GPHN: variants seen among roughly 807,000 people sequenced by gnomAD.
The protein encoded by GPHN is gephyrin.
In GPHN, 17 loss-of-function variants were observed where a neutral mutation model predicts 95.5. That is an observed-to-expected ratio of 0.18 (90% CI 0.12 to 0.27). The LOEUF (loss-of-function observed/expected upper bound fraction) is 0.27, where lower values mean the gene tolerates loss of function less well. Ranked by LOEUF, GPHN falls within the 10% of genes least tolerant of loss-of-function variation. The probability of loss-of-function intolerance (pLI) is 1.00; values close to 1 mark genes in which losing one functional copy is unlikely to be tolerated. For synonymous variants in GPHN, 320 were observed against 322.5 expected (o/e 0.99, Z 0.08); for missense variants, 660 against 978.1 (o/e 0.67, Z 4.34).
intron 18 of GPHN, among the ~76,000 whole-genome samples, chr14:67,150,986 G>A (rs901405221): frequency 6.6e-6 from 1 of 152,160 alleles, no homozygotes; most frequent in African/African-American, 2.4e-5. Context: ...TTAAAATATT[G>A]TAAGTTAAAA....
chr14:67,500,166 AAAAT>A, the GPHN span, among the ~76,000 whole-genome samples: 162 of 152,210 alleles, frequency 1.1e-3, no homozygotes, highest in African/African-American at 3.8e-3. Flanking sequence ...CCTGTCTCTT[AAAAT>A]AAATAAATAA....
chr14:67,356,434 CAA>C, the GPHN span, among the ~76,000 whole-genome samples: 216 of 129,762 alleles, frequency 1.7e-3, 1 homozygote, highest in African/African-American at 4.9e-3. Flanking sequence ...AAAACAAAAA[CAA>C]AAAAAAAAAA....
At chr14:67,286,768 G>A in the GPHN span, among the ~76,000 whole-genome samples, 5 of 147,982 alleles carry the variant, frequency 3.4e-5, no homozygotes, top group East Asian at 1.0e-3. Context: ...TAGGTGGGAG[G>A]ATCGCTGGAA....
At chr14:66,799,985 A>G (rs1296700066) in intron 3 of GPHN, among the ~76,000 whole-genome samples, 28 of 151,886 alleles carry the variant, frequency 1.8e-4, no homozygotes, top group Admixed American at 1.8e-3. Flanking sequence ...GTTTGATATT[A>G]CCATGAAGCT....
At chr14:66,579,022 A>G (rs1207196159) in intron 1 of GPHN, among the ~76,000 whole-genome samples, 2 of 152,016 alleles carry the variant, frequency 1.3e-5, no homozygotes, top group Admixed American at 6.5e-5. Flanking sequence ...ATTTACAATA[A>G]TTAAGTGATA....
At chr14:67,552,672 C>G in the GPHN span, among the ~76,000 whole-genome samples, 1 of 151,576 alleles carries the variant, frequency 6.6e-6, no homozygotes, top group Non-Finnish European at 1.5e-5. Flanking sequence ...GAGGCTAAGG[C>G]AGGAGAATGG....
the GPHN span, among the ~76,000 whole-genome samples, chr14:67,490,775 T>TA: frequency 6.6e-6 from 1 of 152,140 alleles, no homozygotes; most frequent in Non-Finnish European, 1.5e-5. Flanking sequence ...TCTGTTTTTT[T>TA]ACCCCCACTC....
the GPHN span, among the ~76,000 whole-genome samples, chr14:67,669,437 T>A: frequency 9.2e-6 from 1 of 108,560 alleles, no homozygotes; most frequent in South Asian, 2.7e-4. Flanking sequence ...ACTACTCAGC[T>A]TTTTTTTTTT....
chr14:67,681,909 G>A, the GPHN span, among the ~76,000 whole-genome samples: 46 of 152,256 alleles, frequency 3.0e-4, 1 homozygote, highest in African/African-American at 1.1e-3. Flanking sequence ...TGGAAACTTA[G>A]TCCCTCTGCC....
chr14:66,667,960 T>C (rs993582223), intron 1 of GPHN, among the ~76,000 whole-genome samples: 1 of 152,032 alleles, frequency 6.6e-6, no homozygotes, highest in Non-Finnish European at 1.5e-5. Flanking sequence ...ACCACCCCAT[T>C]AAGACATGTG....
the GPHN span, among the ~76,000 whole-genome samples, chr14:67,194,385 A>G: frequency 6.6e-6 from 1 of 151,850 alleles, no homozygotes; most frequent in South Asian, 2.1e-4. Flanking sequence ...GAGTGAACCT[A>G]GTAAATAGTT....
intron 1 of GPHN, among the ~76,000 whole-genome samples, chr14:66,602,562 A>T (rs2062304603): frequency 6.6e-6 from 1 of 151,978 alleles, no homozygotes; most frequent in African/African-American, 2.4e-5. Flanking sequence ...ATGTTAAAGG[A>T]TTCAATTTTT....
At chr14:67,088,673 A>G (rs904324892) in intron 11 of GPHN, among the ~76,000 whole-genome samples, 3 of 152,218 alleles carry the variant, frequency 2.0e-5, no homozygotes, top group Admixed American at 6.5e-5. Flanking sequence ...CTTTCCTTTT[A>G]AAGAAAATCA....
rs185593264 is a variant in GPHN at position 66,998,774 on chromosome 14, A to G, written c.964-24859A>G. On this transcript the variant is annotated intron_variant, in intron 9 of 22. Coordinates refer to ENST00000478722, the MANE Select transcript of GPHN (RefSeq NM_020806.5). ...TAGATGAAAAAAATAAGCCTTGCTCAAAAATGAACCTATCCATGAGTTGTA... is the reference window on the plus strand; with the variant it reads ...TAGATGAAAAAAATAAGCCTTGCTCGAAAATGAACCTATCCATGAGTTGTA... Among the ~76,000 whole-genome samples the G allele has an allele frequency of 4.0e-3, 602 of 152,076 alleles. 3 individuals carry two copies. Among genetic ancestry groups the G allele is most frequent in the Middle Eastern group, 0.014 (4 of 294 alleles).
the GPHN span, among the ~76,000 whole-genome samples, chr14:67,559,991 A>G: frequency 2.0e-5 from 3 of 152,180 alleles, no homozygotes; most frequent in South Asian, 4.1e-4. Context: ...CACACAGGCC[A>G]GTGTCCACTC....
chr14:66,882,339 G>A (rs1227601734), intron 5 of GPHN, among the ~76,000 whole-genome samples: 2 of 151,428 alleles, frequency 1.3e-5, no homozygotes, highest in Non-Finnish European at 3.0e-5. Flanking sequence ...GTTTTTTTCA[G>A]GTAAATTAAT....
intron 1 of GPHN, among the ~76,000 whole-genome samples, chr14:66,668,009 C>G (rs2066069557): frequency 6.6e-6 from 1 of 152,198 alleles, no homozygotes; most frequent in Admixed American, 6.5e-5. Flanking sequence ...GATGTACATA[C>G]AGCCAACAAA....
intron 1 of GPHN, among the ~76,000 whole-genome samples, chr14:66,574,750 G>A (rs1390148466): frequency 3.3e-5 from 5 of 152,156 alleles, no homozygotes; most frequent in Admixed American, 6.5e-5. Flanking sequence ...TCATCCTATC[G>A]ACCATGGGCT....
the GPHN span, among the ~76,000 whole-genome samples, chr14:67,215,586 T>C: frequency 2.6e-5 from 4 of 151,652 alleles, no homozygotes; most frequent in African/African-American, 7.3e-5. Context: ...TAGTCAGAAA[T>C]AGGAAAGGGA....
Sources: gnomAD v4.1 joint callset for allele counts (sites outside exome capture counted in the v4.1 genomes callset) on GRCh38, gnomAD v4.1.1 for gene constraint, MANE v1.5 for transcripts, NCBI Gene and HGNC (gene_info 2026-07-23, HGNC 2026-07-21) for gene names.